Variants in BABAM2 observed in about 807,000 individuals in gnomAD.
The protein encoded by BABAM2 is BRISC and BRCA1 A complex member 2.
A neutral mutation model predicts 54.7 loss-of-function variants in BABAM2; 31 were observed. The ratio of observed to expected loss-of-function variants is 0.57; its 90% CI spans 0.43 to 0.77. The LOEUF is 0.77. Ranked by LOEUF, BABAM2 falls within the 30% of genes least tolerant of loss-of-function variation. BABAM2 has a pLI of 0.00. For missense variants in BABAM2, 364 were observed against 455.8 expected, an observed-to-expected ratio of 0.80 and a Z score of 1.83; for synonymous variants, 167 against 162.9, an observed-to-expected ratio of 1.03 and a Z score of -0.19.
intron 3 of BABAM2, among the ~76,000 whole-genome samples, chr2:27,959,560 T>TC (rs1031690833): frequency 4.6e-5 from 7 of 151,944 alleles, no homozygotes; most frequent in African/African-American, 1.7e-4. Flanking sequence ...TTTTTTTTTT[T>TC]CCTGCTGTGT....
intron 7 of BABAM2, among the ~76,000 whole-genome samples, chr2:28,152,328 T>TGAG (rs1672129397): frequency 6.6e-6 from 1 of 152,226 alleles, no homozygotes; most frequent in African/African-American, 2.4e-5. Context: ...TGCTATCCTC[T>TGAG]GGCAGCTTCT....
chr2:28,323,020 C>A (rs1690152404), intron 11 of BABAM2, among the ~76,000 whole-genome samples: 1 of 152,214 alleles, frequency 6.6e-6, no homozygotes. Context: ...TAAGAAGCGG[C>A]AGGCCAAGGA....
At chr2:27,910,928 G>A (rs893777329) in intron 2 of BABAM2, among the ~76,000 whole-genome samples, 3 of 152,160 alleles carry the variant, frequency 2.0e-5, no homozygotes, top group African/African-American at 7.2e-5. Context: ...GTCATGGGAG[G>A]GACCCGGTGG....
intron 4 of BABAM2, among the ~76,000 whole-genome samples, chr2:28,020,857 C>T (rs563467563): frequency 6.6e-6 from 1 of 151,638 alleles, no homozygotes; most frequent in Non-Finnish European, 1.5e-5. Flanking sequence ...AAGTCCCCCC[C>T]GTTATTTTTA....
At chr2:28,212,397 T>C (rs12478271) in intron 7 of BABAM2, among the ~76,000 whole-genome samples, 103,166 of 151,928 alleles carry the variant, frequency 0.68, 36,602 homozygotes, top group East Asian at 0.99. Context: ...CCATAATACA[T>C]TCTCATGGTT....
intron 3 of BABAM2, among the ~76,000 whole-genome samples, chr2:27,955,351 T>G (rs1670008935): frequency 6.6e-6 from 1 of 152,190 alleles, no homozygotes; most frequent in Admixed American, 6.5e-5. Context: ...GCTGGAGAGC[T>G]CCTGTCTCAC....
intron 3 of BABAM2, among the ~76,000 whole-genome samples, chr2:27,934,144 G>C (rs1028798720): frequency 6.6e-6 from 1 of 151,898 alleles, no homozygotes; most frequent in Non-Finnish European, 1.5e-5. Context: ...TCCCCAAAGC[G>C]TGTGCTTATT....
intron 8 of BABAM2, among the ~76,000 whole-genome samples, chr2:28,239,188 T>G (rs1385044632): frequency 1.3e-5 from 2 of 152,362 alleles, no homozygotes; most frequent in East Asian, 3.9e-4. Flanking sequence ...GATCCCGCAT[T>G]AAGCCTGCAA....
At chr2:28,291,167 T>C (rs940971185) in intron 10 of BABAM2, among the ~76,000 whole-genome samples, 2 of 152,226 alleles carry the variant, frequency 1.3e-5, no homozygotes, top group African/African-American at 4.8e-5. Context: ...CACTAATTAA[T>C]GGTGTAGCCA....
intron 11 of BABAM2, among the ~76,000 whole-genome samples, chr2:28,299,105 G>T (rs1041271686): frequency 6.6e-6 from 1 of 152,198 alleles, no homozygotes; most frequent in African/African-American, 2.4e-5. Flanking sequence ...CGTCTCTGCA[G>T]TGTATACCAT....
chr2:27,909,879 T>C (rs1025476998), intron 2 of BABAM2, among the ~76,000 whole-genome samples: 6 of 152,212 alleles, frequency 3.9e-5, no homozygotes, highest in African/African-American at 1.2e-4. Context: ...CAGCTCTATA[T>C]TGGCAGGAAG....
At chr2:27,988,400 C>G (rs920693418) in intron 4 of BABAM2, among the ~76,000 whole-genome samples, 4 of 152,072 alleles carry the variant, frequency 2.6e-5, no homozygotes, top group African/African-American at 9.7e-5. Flanking sequence ...ATATATCATG[C>G]CTGCAATCAA....
intron 4 of BABAM2, among the ~76,000 whole-genome samples, chr2:28,013,694 T>TACACACAC (rs56148921): frequency 0.091 from 9,617 of 105,942 alleles, 604 homozygotes; most frequent in Middle Eastern, 0.14. Context: ...AAAAAGCTCT[T>TACACACAC]ACACACACAC....
At chr2:28,044,384 C>T (rs746983635) in intron 5 of BABAM2, among the ~76,000 whole-genome samples, 1 of 152,162 alleles carries the variant, frequency 6.6e-6, no homozygotes, top group African/African-American at 2.4e-5. Flanking sequence ...CACGTGCCAC[C>T]ACGCCCGGCT....
At chr2:28,200,202 T>G (rs10203395) in intron 7 of BABAM2, among the ~76,000 whole-genome samples, 138,412 of 152,190 alleles carry the variant, frequency 0.91, 64,381 homozygotes, top group East Asian at 1. Context: ...GACATTGTAT[T>G]TCTTCACTGA....
chr2:27,907,878 T>C (rs1348134019), intron 2 of BABAM2, among the ~76,000 whole-genome samples: 2 of 152,230 alleles, frequency 1.3e-5, no homozygotes, highest in Non-Finnish European at 2.9e-5. Flanking sequence ...CTAGATAGTA[T>C]TTCAATGTAT....
intron 7 of BABAM2, among the ~76,000 whole-genome samples, chr2:28,141,782 C>T (rs1671086078): frequency 6.6e-6 from 1 of 152,076 alleles, no homozygotes. Context: ...AGACAATGAT[C>T]AATGATTGGT....
chr2:28,133,715 G>A (rs1344356672), intron 7 of BABAM2, among the ~76,000 whole-genome samples: 2 of 152,182 alleles, frequency 1.3e-5, no homozygotes, highest in African/African-American at 2.4e-5. Flanking sequence ...CCAGCAATTG[G>A]AAAAGAAAAG....
intron 3 of BABAM2, among the ~76,000 whole-genome samples, chr2:27,950,213 A>G (rs1288482526): frequency 6.6e-6 from 1 of 152,236 alleles, no homozygotes; most frequent in East Asian, 1.9e-4. Context: ...CATGAAAGCA[A>G]TAACTAACTC....
Sources: gnomAD v4.1 joint callset for allele counts (sites outside exome capture counted in the v4.1 genomes callset) on GRCh38, gnomAD v4.1.1 for gene constraint, MANE v1.5 for transcripts, NCBI Gene and HGNC (gene_info 2026-07-23, HGNC 2026-07-21) for gene names.